DRC11: variants seen among roughly 807,000 people sequenced by gnomAD.
DRC11 encodes the protein IQ and AAA domain-containing protein 1.
At chr2:236,320,816 G>C in the DRC11 span, among the ~76,000 whole-genome samples, 1 of 130,428 alleles carries the variant, frequency 7.7e-6, no homozygotes, top group African/African-American at 2.5e-5. Flanking sequence ...AGCTCCCTCC[G>C]CCGGTCCCTC....
the DRC11 span, among the ~76,000 whole-genome samples, chr2:236,478,567 CTTAA>C: frequency 1.3e-5 from 2 of 152,042 alleles, no homozygotes; most frequent in South Asian, 2.1e-4. The surrounding 1 kb of genome is among the most constrained non-coding windows in gnomAD (Gnocchi z 5.9). Flanking sequence ...TAGTGTGTAG[CTTAA>C]TTCTCATGTT....
the DRC11 span, among the ~76,000 whole-genome samples, chr2:236,399,108 G>A: frequency 6.6e-6 from 1 of 151,986 alleles, no homozygotes; most frequent in Non-Finnish European, 1.5e-5. The surrounding 1 kb of genome is among the most constrained non-coding windows in gnomAD (Gnocchi z 7.0). Context: ...TCCTGCTTCA[G>A]CCTCCCGAGT....
At chr2:236,466,847 CTT>C in the DRC11 span, among the ~76,000 whole-genome samples, 1 of 152,060 alleles carries the variant, frequency 6.6e-6, no homozygotes, top group Non-Finnish European at 1.5e-5. Flanking sequence ...CCCTTTTCTT[CTT>C]TTTTGTATTC....
the DRC11 span, among the ~76,000 whole-genome samples, chr2:236,402,924 T>C: frequency 6.6e-6 from 1 of 152,170 alleles, no homozygotes; most frequent in African/African-American, 2.4e-5. The surrounding 1 kb of genome is among the most constrained non-coding windows in gnomAD (Gnocchi z 6.0). Flanking sequence ...TCCTCAGATA[T>C]ATTATTTATC....
the DRC11 span, among the ~76,000 whole-genome samples, chr2:236,340,733 G>A: frequency 1.5e-4 from 23 of 152,292 alleles, no homozygotes; most frequent in Non-Finnish European, 2.6e-4. Flanking sequence ...CCCTTTCTGA[G>A]GCAGGAGATG....
the DRC11 span, among the ~76,000 whole-genome samples, chr2:236,416,755 ATATATATATAT>A: frequency 2.4e-5 from 2 of 81,964 alleles, no homozygotes; most frequent in South Asian, 7.1e-4. Context: ...ATATATATAT[ATATATATATAT>A]ATAAATAATT....
At chr2:236,382,832 T>C in the DRC11 span, among the ~76,000 whole-genome samples, 2 of 152,168 alleles carry the variant, frequency 1.3e-5, no homozygotes, top group African/African-American at 4.8e-5. Context: ...AGTTTGTAGA[T>C]TCCTTGGGAT....
the DRC11 span, among the ~76,000 whole-genome samples, chr2:236,448,749 T>C: frequency 0.26 from 39,599 of 152,102 alleles, 5,454 homozygotes; most frequent in African/African-American, 0.33. This position sits in a 1 kb window ranked among gnomAD's most constrained non-coding sequence, Gnocchi z 5.3. Flanking sequence ...GGGACAAGGC[T>C]GGTGGTCGGG....
At chr2:236,357,323 T>A in the DRC11 span, among the ~76,000 whole-genome samples, 1 of 113,480 alleles carries the variant, frequency 8.8e-6, no homozygotes, top group Non-Finnish European at 1.6e-5. Flanking sequence ...ATATATTATA[T>A]ATATTCATAT....
chr2:236,433,382 C>A, the DRC11 span, among the ~76,000 whole-genome samples: 1 of 152,160 alleles, frequency 6.6e-6, no homozygotes, highest in African/African-American at 2.4e-5. Context: ...AGCATTCCTA[C>A]CTACGAGCAT....
the DRC11 span, chr2:236,408,740 G>A: frequency 1.1e-3 from 774 of 690,066 alleles, 4 homozygotes; most frequent in African/African-American, 0.012. This position sits in a 1 kb window ranked among gnomAD's most constrained non-coding sequence, Gnocchi z 5.5. Context: ...TGCACTCATC[G>A]CTGATGTACT....
At chr2:236,424,615 A>C in the DRC11 span, among the ~76,000 whole-genome samples, 2 of 152,216 alleles carry the variant, frequency 1.3e-5, no homozygotes, top group Non-Finnish European at 2.9e-5. Context: ...AGTCAAGCTA[A>C]CTAACATGTC....
At chr2:236,436,075 A>G in the DRC11 span, among the ~76,000 whole-genome samples, 16 of 152,302 alleles carry the variant, frequency 1.1e-4, no homozygotes, top group African/African-American at 3.4e-4. Context: ...CAGTCATTAC[A>G]ATGACTTAAA....
At chr2:236,441,249 C>G in the DRC11 span, 1 of 681,978 alleles carries the variant, frequency 1.5e-6, no homozygotes, top group African/African-American at 1.8e-5. Flanking sequence ...CCCTGTAGAT[C>G]AAGGGCTGGG....
At chr2:236,409,080 C>G in the DRC11 span, 1 of 512,822 alleles carries the variant, frequency 1.9e-6, no homozygotes, top group Non-Finnish European at 3.5e-6. Flanking sequence ...TGAGACATCA[C>G]GCCATCACAT....
At chr2:236,320,308 A>G in the DRC11 span, among the ~76,000 whole-genome samples, 2 of 152,186 alleles carry the variant, frequency 1.3e-5, no homozygotes, top group East Asian at 1.9e-4. Flanking sequence ...CTCTTCAATT[A>G]AAGTCTTAAG....
chr2:236,359,753 T>C, the DRC11 span, among the ~76,000 whole-genome samples: 1 of 152,186 alleles, frequency 6.6e-6, no homozygotes, highest in African/African-American at 2.4e-5. This position sits in a 1 kb window ranked among gnomAD's most constrained non-coding sequence, Gnocchi z 4.3. Context: ...GCAGTGCAGA[T>C]AGCTGCTCTG....
the DRC11 span, among the ~76,000 whole-genome samples, chr2:236,369,305 T>C: frequency 1.3e-5 from 2 of 152,234 alleles, no homozygotes; most frequent in South Asian, 2.1e-4. The surrounding 1 kb of genome is among the most constrained non-coding windows in gnomAD (Gnocchi z 4.5). Context: ...CGCTGTTTTG[T>C]TGTGGGGCAG....
At chr2:236,351,395 G>C in the DRC11 span, among the ~76,000 whole-genome samples, 1 of 152,158 alleles carries the variant, frequency 6.6e-6, no homozygotes, top group African/African-American at 2.4e-5. The surrounding 1 kb of genome is among the most constrained non-coding windows in gnomAD (Gnocchi z 7.3). Flanking sequence ...CAGAAGATCA[G>C]ATGGTCTGGA....
Sources: gnomAD v4.1 joint callset for allele counts (sites outside exome capture counted in the v4.1 genomes callset) on GRCh38, gnomAD v4.1.1 for gene constraint, Gnocchi (gnomAD v3.1) non-coding constraint, MANE v1.5 for transcripts, NCBI Gene and HGNC (gene_info 2026-07-23, HGNC 2026-07-21) for gene names.